The following ZNF875 variants were observed in gnomAD, a reference collection of about 807,000 sequenced individuals.
ZNF875 encodes zinc finger protein 875.
A neutral mutation model predicts 11.2 loss-of-function variants in ZNF875; 14 were observed. The observed-to-expected ratio is 1.26, with a 90% CI of 0.83 to 1.96. The LOEUF (loss-of-function observed/expected upper bound fraction) is 1.96. ZNF875 is among the 30% of genes most tolerant of loss of function. The pLI is 0.00. For missense variants in ZNF875, 752 were observed against 760.4 expected (o/e 0.99, Z 0.13); for synonymous variants, 301 against 281.1 (o/e 1.07, Z -0.71).
In ZNF875 at chr19:37,335,020, C is replaced by G. The variant is rs941369184; in HGVS notation, c.-56-149C>G. 9 of 558,466 alleles carry G rather than the reference C, an allele frequency of 1.6e-5. No homozygotes were observed. In the Admixed American group the frequency reaches 2.5e-4, roughly 16 times the overall value. 34.6% of individuals were successfully genotyped at this position (558,466 alleles called of 1,614,324 possible). On this transcript the variant is annotated intron_variant, in intron 1 of 4. Transcript: ENST00000392153. Reference sequence around the variant, plus strand: ...CTGAGCTTGAGGGTGGCTGGGTCATCCTGGCCCCCCACTGGATGGGAATTG... The same window carrying G: ...CTGAGCTTGAGGGTGGCTGGGTCATGCTGGCCCCCCACTGGATGGGAATTG...
At chr19:37,348,328 T>G (rs2037221071) in intron 4 of ZNF875, among the ~76,000 whole-genome samples, 1 of 152,214 alleles carries the variant, frequency 6.6e-6, no homozygotes, top group African/African-American at 2.4e-5. Context: ...TGTCCCAGCT[T>G]AAGAAATAAA....
In ZNF875 at chr19:37,326,663, G is replaced by GA. The variant is rs1568566906; in HGVS notation, c.-603+2398_-603+2399insA. 5.1e-4 allele frequency among the ~76,000 whole-genome samples: 56 copies of GA among 110,886 alleles called. 1 individual carries two copies. The highest frequency in any genetic ancestry group is 1.5e-3 in the African/African-American group (46 of 30,470). 72.7% of individuals were successfully genotyped at this position (110,886 alleles called of 152,430 possible). On this transcript the variant is annotated intron_variant, in intron 4 of 5. Transcript: ENST00000544914. ...TCAAATTCTAAAGTTAAATTAGAAAGCTTTTTTTTTTTTTTTTTTTTTGAG... is the reference window on the plus strand; with the variant it reads ...TCAAATTCTAAAGTTAAATTAGAAAGACTTTTTTTTTTTTTTTTTTTTTGAG...
intron 4 of ZNF875, among the ~76,000 whole-genome samples, chr19:37,326,081 GTCC>G (rs1392592043): frequency 2.6e-5 from 4 of 152,070 alleles, no homozygotes; most frequent in African/African-American, 7.2e-5. Flanking sequence ...GGCTCAAGCA[GTCC>G]TCCTGTCTTG....
chr19:37,332,202 A>AT (rs2145845980), upstream of ZNF875, among the ~76,000 whole-genome samples: 1 of 149,724 alleles, frequency 6.7e-6, no homozygotes, highest in Admixed American at 6.7e-5. Flanking sequence ...TGATCAATAA[A>AT]TACTAAGGGA....
In ZNF875 at chr19:37,363,355, A is replaced by G; in HGVS notation, c.1503A>G (p.Ser501=). 1 of 1,610,886 alleles carries G rather than the reference A, an allele frequency of 6.2e-7. No homozygotes were observed. Among genetic ancestry groups the G allele is most frequent in the South Asian group, 1.1e-5 (1 of 90,684 alleles). The part of the protein sequence containing the change: ...STLSTHQRTH[S]GEKPFVCAEC... ...TGAGCACGCACCAGAGGACACACTC[A>G]GGGGAGAAGCCATTTGTATGTGCTG... Residue 501 remains serine, a synonymous_variant, in exon 5 of 5, where the codon TCA becomes TCG. Transcript: ENST00000392153.
intron 4 of ZNF875, among the ~76,000 whole-genome samples, chr19:37,327,205 C>G (rs2032612579): frequency 2.0e-5 from 3 of 151,836 alleles, no homozygotes; most frequent in Admixed American, 2.0e-4. Context: ...GTTGGCCAGG[C>G]TGGTTTTGAA....
At chr19:37,323,240 G>T (rs1409952108) in intron 2 of ZNF875, among the ~76,000 whole-genome samples, 1 of 151,610 alleles carries the variant, frequency 6.6e-6, no homozygotes, top group Non-Finnish European at 1.5e-5. Context: ...TGCAACCTCC[G>T]TCTCCTGGGT....
At chr19:37,359,441 G>A in intron 4 of ZNF875, 1 of 257,274 alleles carries the variant, frequency 3.9e-6, no homozygotes, top group Non-Finnish European at 7.8e-6. Context: ...GCCTTGCTCT[G>A]TTGCCAGGCT....
At chr19:37,359,173 A>G (rs1248976836) in intron 4 of ZNF875, among the ~76,000 whole-genome samples, 2 of 152,216 alleles carry the variant, frequency 1.3e-5, no homozygotes, top group East Asian at 3.9e-4. Context: ...TGCTGGGATT[A>G]CAGGCGTGAA....
At chr19:37,327,394 T>C (rs2032657162) in intron 4 of ZNF875, among the ~76,000 whole-genome samples, 1 of 152,228 alleles carries the variant, frequency 6.6e-6, no homozygotes, top group Non-Finnish European at 1.5e-5. Flanking sequence ...TCACTGTGTG[T>C]TGCTTTGCAT....
chr19:37,333,845 C>A (rs2033769386), upstream of ZNF875, among the ~76,000 whole-genome samples: 1 of 151,988 alleles, frequency 6.6e-6, no homozygotes, highest in Non-Finnish European at 1.5e-5. Context: ...AAAATAAAAT[C>A]AATGCAAAAA....
chr19:37,358,133 CTT>C (rs35011906), intron 4 of ZNF875: 968 of 85,462 alleles, frequency 0.011, 1 homozygote, highest in East Asian at 0.05. Flanking sequence ...TTAAGATGAT[CTT>C]TTTTTTTTTT....
intron 2 of ZNF875, among the ~76,000 whole-genome samples, chr19:37,339,834 G>A (rs1015846741): frequency 6.6e-6 from 1 of 151,166 alleles, no homozygotes; most frequent in Admixed American, 6.6e-5. Flanking sequence ...CAAAGTGCTG[G>A]AATTACAGGC....
chr19:37,314,226 G>C (rs2030085343), upstream of ZNF875, among the ~76,000 whole-genome samples: 1 of 151,972 alleles, frequency 6.6e-6, no homozygotes, highest in Admixed American at 6.6e-5. Flanking sequence ...ATCCTCCCAC[G>C]TTAACCTACC....
At chr19:37,331,460 C>T (rs2033381472), upstream of ZNF875, among the ~76,000 whole-genome samples, 1 of 151,266 alleles carries the variant, frequency 6.6e-6, no homozygotes, top group African/African-American at 2.4e-5. Context: ...TAGGAGACTC[C>T]ATTTTGTTAT....
chr19:37,323,060 T>C (rs929925287), intron 2 of ZNF875, among the ~76,000 whole-genome samples: 2 of 151,996 alleles, frequency 1.3e-5, no homozygotes, highest in Non-Finnish European at 2.9e-5. Context: ...TTGTTCTCTG[T>C]GGGTCTGTCC....
In ZNF875 at chr19:37,362,159, A is replaced by C; in HGVS notation, c.307A>C (p.Ser103Arg). Residue 103 changes from serine (S) to arginine (R), a missense_variant, in exon 5 of 5, where the codon AGT (serine) becomes CGT (arginine). Ser to Arg is a moderately radical substitution (Grantham distance 110). Coordinates refer to ENST00000392153, the MANE Select transcript of ZNF875 (RefSeq NM_001353803.2). ...LSPSCPLIFS[S>R]QQALSQHVWL... is the part of the protein sequence containing the mutation. ...TCCCTCCTGCCCTCTGATTTTCTCC[A>C]GTCAGCAAGCTCTCAGCCAACATGT... is the stretch of plus-strand genomic sequence containing the variant. 1 of 1,614,082 alleles carries C rather than the reference A, an allele frequency of 6.2e-7. No homozygotes were observed. Among genetic ancestry groups the C allele is most frequent in the Non-Finnish European group, 8.5e-7 (1 of 1,179,996 alleles).
chr19:37,314,322 CAG>C (rs1275747545), upstream of ZNF875, among the ~76,000 whole-genome samples: 2 of 152,062 alleles, frequency 1.3e-5, no homozygotes, highest in Non-Finnish European at 2.9e-5. Context: ...CACTATGTTG[CAG>C]AGACAGGTCT....
rs2031086497 is a variant in ZNF875 at position 37,320,080 on chromosome 19, G to GGTTT, written c.-747+1895_-747+1898dup. Among the ~76,000 whole-genome samples, 3 of 152,174 alleles carry GGTTT rather than the reference G, an allele frequency of 2.0e-5. No individual in the cohort carries two copies. The Middle Eastern group carries it at 0.01, about 518-fold the overall frequency. ...TTTTTTGTATTTTCAGTAGAGATGG[G>GGTTT]GTTTCACCGTGGTCTCGATCTCCTG... On this transcript the variant is annotated intron_variant, in intron 1 of 5. Transcript: ENST00000544914.
Sources: allele counts gnomAD v4.1 joint callset (sites outside exome capture counted in the v4.1 genomes callset), GRCh38; gene constraint gnomAD v4.1.1; transcripts MANE v1.5; gene names NCBI Gene and HGNC (gene_info 2026-07-23, HGNC 2026-07-21).